SEMA3D: variants seen among roughly 807,000 people sequenced by gnomAD.
The protein encoded by SEMA3D is semaphorin-3D.
Under a neutral mutation model 100.1 loss-of-function variants are expected in SEMA3D, and 84 were observed. The ratio of observed to expected loss-of-function variants is 0.84; its 90% CI spans 0.70 to 1.01. The LOEUF (loss-of-function observed/expected upper bound fraction) is 1.01, where lower values mean the gene tolerates loss of function less well. SEMA3D is among the 50% of genes least tolerant of loss of function. The pLI is 0.00. For synonymous variants in SEMA3D, 312 were observed against 320.7 expected (o/e 0.97, Z 0.29); for missense variants, 875 against 934.1 (o/e 0.94, Z 0.82).
At chr7:85,093,025 A>T (rs1050809990) in intron 4 of SEMA3D, among the ~76,000 whole-genome samples, 8 of 152,102 alleles carry the variant, frequency 5.3e-5, no homozygotes, top group African/African-American at 1.9e-4. Context: ...TTCTTGTAGA[A>T]CTAGCTAATC....
At chr7:85,201,304 C>T in the SEMA3D span, among the ~76,000 whole-genome samples, 10 of 152,292 alleles carry the variant, frequency 6.6e-5, no homozygotes, top group East Asian at 1.9e-3. Flanking sequence ...TGATCGCCTA[C>T]ACTTTTAAGC....
In SEMA3D at chr7:85,018,373, C is replaced by T. The variant is rs892531923; in HGVS notation, c.1504-80G>A. ...AAACAATATGTTGTTTTATCTGATG[C>T]CATATATCACTGAAGTAAACATCAA... On this transcript the variant is annotated intron_variant, in intron 14 of 18. Coordinates refer to ENST00000284136, the MANE Select transcript of SEMA3D (RefSeq NM_001384900.1). 1.5e-5 allele frequency: 13 copies of T among 842,502 alleles called. No individual in the cohort carries two copies. The African/African-American group carries it at 2.2e-4, about 14-fold the overall frequency. The allele number at this position is 842,502 out of a possible 1,614,324, so 52.2% of individuals were successfully genotyped here.
At chr7:85,169,812 T>C (rs1791036558) in intron 1 of SEMA3D, among the ~76,000 whole-genome samples, 1 of 151,758 alleles carries the variant, frequency 6.6e-6, no homozygotes, top group African/African-American at 2.4e-5. Context: ...TTGATCACTA[T>C]GCTAGGTATC....
chr7:85,022,573 C>A lies in SEMA3D; in HGVS notation c.1232G>T (p.Arg411Leu). 6.2e-7 allele frequency: 1 copy of A among 1,612,290 alleles called. No homozygotes were observed. The highest frequency in any genetic ancestry group is 8.5e-7 in the Non-Finnish European group (1 of 1,178,876). Residue 411 changes from arginine (R) to leucine (L), a missense_variant, in exon 13 of 19, where the codon CGA becomes CTA. Coordinates refer to ENST00000284136, the MANE Select transcript of SEMA3D (RefSeq NM_001384900.1). Reference protein sequence around the residue: ...KTYDPLIKSTRDFPDDVISFI... With the variant: ...KTYDPLIKSTLDFPDDVISFI... ...ACTGATGACATCATCTGGAAAATCT[C>A]GGGTGGACTTAATCAGTGGGTCATA...
chr7:85,164,882 A>T (rs1790853104), intron 1 of SEMA3D, among the ~76,000 whole-genome samples: 1 of 152,088 alleles, frequency 6.6e-6, no homozygotes, highest in Non-Finnish European at 1.5e-5. Context: ...GCACTTAGAG[A>T]TATAAAACAT....
the SEMA3D span, among the ~76,000 whole-genome samples, chr7:85,215,564 A>G: frequency 6.6e-6 from 1 of 152,264 alleles, no homozygotes; most frequent in East Asian, 1.9e-4. Flanking sequence ...TTTGAGTAAT[A>G]GTTCTCAAAC....
the SEMA3D span, among the ~76,000 whole-genome samples, chr7:85,244,274 C>T: frequency 6.6e-6 from 1 of 152,080 alleles, no homozygotes; most frequent in African/African-American, 2.4e-5. Flanking sequence ...AAAACTAATC[C>T]CTTTCCACAA....
chr7:85,185,101 A>AG (rs1235127254), intron 1 of SEMA3D, among the ~76,000 whole-genome samples: 3 of 149,432 alleles, frequency 2.0e-5, no homozygotes, highest in African/African-American at 7.7e-5. Flanking sequence ...GAAAAGGAGA[A>AG]CAAAAAGGAG....
intron 2 of SEMA3D, among the ~76,000 whole-genome samples, chr7:85,128,670 A>C (rs1029294101): frequency 1.3e-5 from 2 of 151,808 alleles, no homozygotes; most frequent in African/African-American, 4.8e-5. Context: ...CAGAATTTAT[A>C]ATCTATATCT....
chr7:84,999,959 G>T, intron 18 of SEMA3D, 94 bp from the exon 19 acceptor site: 2 of 932,122 alleles, frequency 2.1e-6, no homozygotes, highest in Non-Finnish European at 3.2e-6. Context: ...AGATGAATAT[G>T]AAAGACATAT....
At chr7:85,202,733 ATG>A in the SEMA3D span, among the ~76,000 whole-genome samples, 1 of 152,192 alleles carries the variant, frequency 6.6e-6, no homozygotes, top group Non-Finnish European at 1.5e-5. Context: ...CAAAAAACAC[ATG>A]AAAAAATGCT....
At position 84,995,989 on chromosome 7, in the gene SEMA3D, T is replaced by G; in HGVS notation, c.*3451A>C. On this transcript the variant is annotated 3_prime_UTR_variant, in exon 19 of 19. Transcript: ENST00000284136. ...CACTTCAAATATCTTTTTTTTTTTT[T>G]GGTTTGTTTCTAAATTATCCATTCC... 1 of 151,662 alleles carries G rather than the reference T, an allele frequency of 6.6e-6. No homozygotes were observed. The highest frequency in any genetic ancestry group is 1.9e-4 in the East Asian group (1 of 5,190). 9.4% of individuals were successfully genotyped at this position (151,662 alleles called of 1,614,324 possible).
At chr7:85,118,702 C>T (rs1789318776) in intron 3 of SEMA3D, among the ~76,000 whole-genome samples, 1 of 152,104 alleles carries the variant, frequency 6.6e-6, no homozygotes, top group Admixed American at 6.6e-5. Context: ...CAACAATTTT[C>T]TCTGATTCTG....
At chr7:85,020,406 C>T (rs978104086) in intron 13 of SEMA3D, 85 bp from the exon 14 acceptor site, 4 of 849,676 alleles carry the variant, frequency 4.7e-6, no homozygotes, top group Non-Finnish European at 7.7e-6. Flanking sequence ...GCAAATCATT[C>T]CCCTCACTTC....
chr7:85,083,688 C>CA (rs545194586), intron 4 of SEMA3D, among the ~76,000 whole-genome samples: 1,636 of 148,734 alleles, frequency 0.011, 19 homozygotes, highest in African/African-American at 0.038. Context: ...ACTAAAAATA[C>CA]AAAAAAAAAT....
chr7:85,071,730 T>C (rs1791780522), intron 6 of SEMA3D, among the ~76,000 whole-genome samples: 1 of 152,154 alleles, frequency 6.6e-6, no homozygotes, highest in South Asian at 2.1e-4. Flanking sequence ...TATAAGACAA[T>C]GGTAAGCATT....
chr7:85,193,336 T>C, the SEMA3D span, among the ~76,000 whole-genome samples: 1 of 152,124 alleles, frequency 6.6e-6, no homozygotes, highest in African/African-American at 2.4e-5. Flanking sequence ...CCCTACATTT[T>C]TGTGAGCTTT....
chr7:85,220,739 T>A, the SEMA3D span, among the ~76,000 whole-genome samples: 1 of 152,076 alleles, frequency 6.6e-6, no homozygotes, highest in Admixed American at 6.6e-5. Flanking sequence ...AAAGAAACAG[T>A]GCTATTTAAA....
the SEMA3D span, among the ~76,000 whole-genome samples, chr7:85,250,140 G>A: frequency 1.3e-5 from 2 of 152,154 alleles, no homozygotes; most frequent in Non-Finnish European, 1.5e-5. Context: ...ACTCCCACCC[G>A]AATACTGCGC....
Sources: allele counts gnomAD v4.1 joint callset (sites outside exome capture counted in the v4.1 genomes callset), GRCh38; gene constraint gnomAD v4.1.1; transcripts MANE v1.5; gene names NCBI Gene and HGNC (gene_info 2026-07-23, HGNC 2026-07-21).